The following LGI1 variants were observed in gnomAD, a reference collection of about 807,000 sequenced individuals.
The protein encoded by LGI1 is leucine rich glioma inactivated 1, also known as leucine-rich glioma-inactivated protein 1.
Under a neutral mutation model 57.7 loss-of-function variants are expected in LGI1, and 11 were observed. That is an observed-to-expected ratio of 0.19 (90% CI 0.12 to 0.32). The LOEUF (loss-of-function observed/expected upper bound fraction) is 0.32. Ranked by LOEUF, LGI1 falls within the 10% of genes least tolerant of loss-of-function variation. The pLI is 1.00. For synonymous variants in LGI1, 222 were observed against 241.9 expected (o/e 0.92, Z 0.76); for missense variants, 422 against 661.9 (o/e 0.64, Z 3.98).
chr10:93,797,396 C>A lies in LGI1; in HGVS notation c.1267C>A (p.Gln423Lys), dbSNP rs1337103614. The change falls in exon 8 of 8, where the codon CAA (glutamine) becomes AAA (lysine). Residue 423 changes from glutamine (Q) to lysine (K), a missense_variant. Gln to Lys is a moderately conservative substitution (Grantham distance 53). This residue lies in a region of LGI1 where 301 missense variants were observed against 461.7 expected (regional missense o/e 0.65). Coordinates refer to ENST00000371418, the MANE Select transcript of LGI1 (RefSeq NM_005097.4). This position sits in a 1 kb window ranked among gnomAD's most constrained non-coding sequence, Gnocchi z 6.5. ...WNKATQLFTNQTDIPNMEDVY... is the reference protein window; with the variant it reads ...WNKATQLFTNKTDIPNMEDVY... ...CAAAGCAACACAATTATTCACTAACCAAACTGACATTCCTAACATGGAGGA... is the reference window on the plus strand; with the variant it reads ...CAAAGCAACACAATTATTCACTAACAAAACTGACATTCCTAACATGGAGGA... 6 of 1,614,060 alleles carry A rather than the reference C, an allele frequency of 3.7e-6. No homozygotes were observed. Among genetic ancestry groups the A allele is most frequent in the Non-Finnish European group, 5.1e-6 (6 of 1,180,030 alleles).
chr10:93,774,844 C>G (rs2059777329), intron 2 of LGI1, among the ~76,000 whole-genome samples: 1 of 152,126 alleles, frequency 6.6e-6, no homozygotes, highest in Non-Finnish European at 1.5e-5. Context: ...TTAGAGGAAT[C>G]CATACAAATT....
At chr10:93,759,984 C>A (rs1420816751) in intron 2 of LGI1, among the ~76,000 whole-genome samples, 1 of 152,214 alleles carries the variant, frequency 6.6e-6, no homozygotes, top group Non-Finnish European at 1.5e-5. Context: ...AGATAAAACA[C>A]TTGGCATAGG....
intron 2 of LGI1, among the ~76,000 whole-genome samples, chr10:93,775,296 TTATA>T (rs1340274658): frequency 1.3e-5 from 2 of 152,192 alleles, no homozygotes; most frequent in Non-Finnish European, 2.9e-5. Context: ...TTTTTGTACT[TTATA>T]TAAGTACAGT....
Position 93,758,494 on chromosome 10 carries a change from T to C in LGI1, c.215+135T>C. 2 of 937,448 alleles carry C rather than the reference T, an allele frequency of 2.1e-6. No homozygotes were observed. The highest frequency in any genetic ancestry group is 3.4e-6 in the Non-Finnish European group (2 of 590,152). The allele number at this position is 937,448 out of a possible 1,614,324, so 58.1% of individuals were successfully genotyped here. ...TGCATGCTTGGCCATTTGACAGTGC[T>C]AACATTTGCTGCATTTAGAATTTTT... On this transcript the variant is annotated intron_variant, in intron 1 of 7. Coordinates refer to ENST00000371418, the MANE Select transcript of LGI1 (RefSeq NM_005097.4). This position sits in a 1 kb window ranked among gnomAD's most constrained non-coding sequence, Gnocchi z 4.7.
rs1362929494 is a variant in LGI1 at position 93,786,043 on chromosome 10, G to A, written c.432-4056G>A. Among the ~76,000 whole-genome samples the A allele has an allele frequency of 1.5e-4, 7 of 46,172 alleles. 1 individual carries two copies. The highest frequency in any genetic ancestry group is 2.1e-4 in the African/African-American group (7 of 33,166). The allele number at this position is 46,172 out of a possible 152,430, so 30.3% of individuals were successfully genotyped here. On this transcript the variant is annotated intron_variant, in intron 4 of 7. Coordinates refer to ENST00000371418, the MANE Select transcript of LGI1 (RefSeq NM_005097.4). ...CAGATGCCCATGATGATTTGTGGAGGCAACAGGCCCTCATCACAGCTGGCT... is the reference window on the plus strand; with the variant it reads ...CAGATGCCCATGATGATTTGTGGAGACAACAGGCCCTCATCACAGCTGGCT...
At chr10:93,796,557 G>T (rs1429198958) in intron 7 of LGI1, among the ~76,000 whole-genome samples, 3 of 152,184 alleles carry the variant, frequency 2.0e-5, no homozygotes, top group African/African-American at 2.4e-5. Flanking sequence ...TCTTAAGATT[G>T]TTGGGAAAAT....
rs996207346 is a variant in LGI1, at chr10:93,798,022, C to T, written c.*219C>T. On this transcript the variant is annotated 3_prime_UTR_variant, in exon 8 of 8. Coordinates refer to ENST00000371418, the MANE Select transcript of LGI1 (RefSeq NM_005097.4). ...GACAAAATTTAATTGTGTAACTGTT[C>T]TTTGCAGTGAAGATGTGTAAATAAG... 2 of 588,442 alleles carry T rather than the reference C, an allele frequency of 3.4e-6. No individual in the cohort carries two copies. Among genetic ancestry groups the T allele is most frequent in the Non-Finnish European group, 6.1e-6 (2 of 329,978 alleles). 36.5% of individuals were successfully genotyped at this position (588,442 alleles called of 1,614,324 possible). A position where few individuals can be genotyped will look rare whatever the true frequency, so the allele number is the denominator to read the frequency against.
intron 2 of LGI1, among the ~76,000 whole-genome samples, chr10:93,759,506 C>T (rs950265488): frequency 2.6e-5 from 4 of 152,164 alleles, no homozygotes; most frequent in Admixed American, 6.5e-5. Context: ...GAAATCAGAT[C>T]TGTTCACAGG....
At chr10:93,764,896 T>A (rs1293181806) in intron 2 of LGI1, 1 of 152,236 alleles carries the variant, frequency 6.6e-6, no homozygotes, top group South Asian at 2.1e-4. Flanking sequence ...CTTTAAACAT[T>A]TTGTGGTTCT....
chr10:93,772,379 A>G (rs1374357356), intron 2 of LGI1, among the ~76,000 whole-genome samples: 6 of 152,156 alleles, frequency 3.9e-5, no homozygotes, highest in Admixed American at 1.3e-4. Flanking sequence ...TCCTAAGTCT[A>G]TCATAAGGAA....
At chr10:93,783,740 G>C (rs1163556364) in intron 4 of LGI1, among the ~76,000 whole-genome samples, 1 of 152,176 alleles carries the variant, frequency 6.6e-6, no homozygotes, top group African/African-American at 2.4e-5. Flanking sequence ...GGCTGTGTGC[G>C]GTGGCTCATG....
intron 2 of LGI1, 24 bp from the exon 3 acceptor site, chr10:93,777,355 T>C: frequency 1.2e-6 from 2 of 1,608,146 alleles, no homozygotes; most frequent in Non-Finnish European, 1.7e-6. Context: ...TTCACCATTT[T>C]CATTGTGTAC....
intron 7 of LGI1, among the ~76,000 whole-genome samples, chr10:93,796,005 C>A (rs1271716843): frequency 6.6e-6 from 1 of 152,258 alleles, no homozygotes; most frequent in Non-Finnish European, 1.5e-5. Context: ...GTTCAGCTGT[C>A]TCTGGATTTT....
intron 7 of LGI1, among the ~76,000 whole-genome samples, chr10:93,795,105 T>TG (rs1478524871): frequency 6.6e-6 from 1 of 152,188 alleles, no homozygotes; most frequent in Non-Finnish European, 1.5e-5. Context: ...TACTTGTGTA[T>TG]GGTTCATCAA....
At chr10:93,785,061 A>G (rs983754885) in intron 4 of LGI1, among the ~76,000 whole-genome samples, 3 of 152,214 alleles carry the variant, frequency 2.0e-5, no homozygotes, top group African/African-American at 7.2e-5. Flanking sequence ...AGAAATAATT[A>G]TTATTCCATA....
intron 2 of LGI1, chr10:93,766,858 T>C (rs975733325): frequency 6.6e-6 from 1 of 152,172 alleles, no homozygotes; most frequent in African/African-American, 2.4e-5. Flanking sequence ...GAGGTAGATA[T>C]AATTATCTCC....
chr10:93,777,803 A>G (rs1231847104), intron 4 of LGI1, among the ~76,000 whole-genome samples, 186 bp downstream of exon 4: 1 of 152,222 alleles, frequency 6.6e-6, no homozygotes, highest in African/African-American at 2.4e-5. Flanking sequence ...ATTGATTACT[A>G]TTAATATTTT....
At position 93,768,435 on chromosome 10, in the gene LGI1, TG is replaced by T. The variant is rs554174459; in HGVS notation, c.288-8943del. Reference sequence around the variant, plus strand: ...TAAAACCTACATCTTAGTATTCATTTGAGGATTAAAATCAGATGTCAAGCTG... The same window carrying T: ...TAAAACCTACATCTTAGTATTCATTTAGGATTAAAATCAGATGTCAAGCTG... On this transcript the variant is annotated intron_variant, in intron 2 of 7. Coordinates refer to ENST00000371418, the MANE Select transcript of LGI1 (RefSeq NM_005097.4). 6.0e-3 allele frequency: 920 copies of T among 152,356 alleles called. 9 individuals are homozygous for T. Among genetic ancestry groups the T allele is most frequent in the African/African-American group, 0.021 (890 of 41,582 alleles). The allele number at this position is 152,356 out of a possible 1,614,324, so 9.4% of individuals were successfully genotyped here. A position where few individuals can be genotyped will look rare whatever the true frequency, so the allele number is the denominator to read the frequency against.
chr10:93,789,972 A>C (rs912034339), intron 4 of LGI1, 127 bp from the exon 5 acceptor site: 10 of 934,094 alleles, frequency 1.1e-5, no homozygotes, highest in Admixed American at 5.2e-5. Flanking sequence ...CAGAAGAAAA[A>C]AAAAGGACCA....
Sources: allele counts gnomAD v4.1 joint callset (sites outside exome capture counted in the v4.1 genomes callset), GRCh38; gene constraint gnomAD v4.1.1; regional missense constraint gnomAD v4.1.1; non-coding constraint Gnocchi (gnomAD v3.1); transcripts MANE v1.5; gene names NCBI Gene and HGNC (gene_info 2026-07-23, HGNC 2026-07-21).